Variants in UGT1A9 observed in about 807,000 individuals in gnomAD.
UGT1A9 encodes UDP glucuronosyltransferase family 1 member A9.
UGT1A9 carries 35 observed loss-of-function variants against 45.0 expected under a neutral mutation model. The observed-to-expected ratio is 0.78, with a 90% CI of 0.59 to 1.03. The LOEUF (loss-of-function observed/expected upper bound fraction) is 1.03, where lower values mean the gene tolerates loss of function less well. Among genes scored for constraint, UGT1A9 ranks in the 50% least tolerant of loss-of-function variants. The pLI is 0.00. For missense variants in UGT1A9, 687 were observed against 666.6 expected, an observed-to-expected ratio of 1.03 and a Z score of -0.34; for synonymous variants, 278 against 250.6, an observed-to-expected ratio of 1.11 and a Z score of -1.03.
intron 1 of UGT1A9, among the ~76,000 whole-genome samples, chr2:233,736,737 CCTTT>C (rs2125803115): frequency 6.6e-6 from 1 of 152,240 alleles, no homozygotes; most frequent in Non-Finnish European, 1.5e-5. Flanking sequence ...TTATGCTGTT[CCTTT>C]CTGTTTGTTA....
intron 1 of UGT1A9, among the ~76,000 whole-genome samples, chr2:233,758,427 TCA>T (rs1169945627): frequency 6.6e-6 from 1 of 152,228 alleles, no homozygotes; most frequent in Non-Finnish European, 1.5e-5. Context: ...GCAAATGAAC[TCA>T]CACAGCATTG....
chr2:233,755,062 C>G, intron 1 of UGT1A9: 1 of 1,335,450 alleles, frequency 7.5e-7, no homozygotes, highest in Middle Eastern at 2.1e-4. Flanking sequence ...GCCCTCGCCT[C>G]GCCATAGCGG....
intron 1 of UGT1A9, among the ~76,000 whole-genome samples, chr2:233,703,296 C>G (rs2075730684): frequency 6.6e-6 from 1 of 151,032 alleles, no homozygotes; most frequent in African/African-American, 2.4e-5. Context: ...GTAACATTCC[C>G]TCTTTCATTT....
At chr2:233,707,771 T>TA (rs2075986737) in intron 1 of UGT1A9, among the ~76,000 whole-genome samples, 2 of 152,230 alleles carry the variant, frequency 1.3e-5, no homozygotes. Context: ...AGTGGGTTTT[T>TA]AGAGTATATA....
At position 233,690,504 on chromosome 2, in the gene UGT1A9, A is replaced by C. The variant is rs750850390; in HGVS notation, c.855+17715A>C. 7 of 1,289,246 alleles carry C rather than the reference A, an allele frequency of 5.4e-6. No homozygotes were observed. The South Asian group carries it at 7.4e-5, about 14-fold the overall frequency. The allele number at this position is 1,289,246 out of a possible 1,614,324, so 79.9% of individuals were successfully genotyped here. ...GGGAAATCTGCTCTTGCCAACAGAG[A>C]TTTGTTTTATCTTAGGATCTACTTC... On this transcript the variant is annotated intron_variant, in intron 1 of 4. Coordinates refer to ENST00000354728, the MANE Select transcript of UGT1A9 (RefSeq NM_021027.3).
chr2:233,672,835 A>G, intron 1 of UGT1A9, 46 bp downstream of exon 1: 2 of 1,557,124 alleles, frequency 1.3e-6, no homozygotes, highest in Non-Finnish European at 1.7e-6. Context: ...TCACCTTTGG[A>G]AATTAAAAAA....
At chr2:233,729,551 A>C (rs749535297) in intron 1 of UGT1A9, 5 of 1,614,156 alleles carry the variant, frequency 3.1e-6, no homozygotes, top group Non-Finnish European at 3.4e-6. Context: ...AGGCACCTGA[A>C]TGCTACTTCC....
chr2:233,694,161 CAG>C (rs1316707108), intron 1 of UGT1A9, among the ~76,000 whole-genome samples: 2 of 152,146 alleles, frequency 1.3e-5, no homozygotes, highest in African/African-American at 4.8e-5. Context: ...CCAGTTCAAA[CAG>C]AGGTGAAGGC....
chr2:233,751,961 T>G (rs923784516), intron 1 of UGT1A9, among the ~76,000 whole-genome samples: 8 of 152,012 alleles, frequency 5.3e-5, no homozygotes, highest in African/African-American at 1.9e-4. Context: ...TAAAGGAGAG[T>G]CTGAGAAAAG....
At chr2:233,719,369 G>A (rs779205273) in intron 1 of UGT1A9, 113 of 1,613,764 alleles carry the variant, frequency 7.0e-5, no homozygotes, top group Non-Finnish European at 9.2e-5. Flanking sequence ...TAGACTTTAA[G>A]GGCACACAGT....
intron 1 of UGT1A9, chr2:233,729,157 T>C (rs3821242): frequency 0.46 from 737,600 of 1,613,154 alleles, 172,577 homozygotes; most frequent in African/African-American, 0.64. Flanking sequence ...TCCCCTGCCG[T>C]GGCTGGCCAC....
intron 1 of UGT1A9, among the ~76,000 whole-genome samples, chr2:233,766,777 T>C (rs945359450): frequency 1.3e-5 from 2 of 152,236 alleles, no homozygotes; most frequent in Admixed American, 6.5e-5. Context: ...TGTGCTTTTC[T>C]TTTGGAAAAC....
At chr2:233,760,300 T>G (rs1271688129) in intron 1 of UGT1A9, 1 of 1,613,254 alleles carries the variant, frequency 6.2e-7, no homozygotes, top group East Asian at 2.2e-5. Flanking sequence ...GGCTGTGGAG[T>G]CCCAGGGCGG....
intron 1 of UGT1A9, among the ~76,000 whole-genome samples, chr2:233,720,704 C>CTT (rs796417980): frequency 5.7e-5 from 8 of 139,174 alleles, no homozygotes; most frequent in Non-Finnish European, 9.4e-5. Context: ...GGGAGCCATC[C>CTT]TTTTTTTTTT....
chr2:233,720,767 C>T (rs550051357), intron 1 of UGT1A9, among the ~76,000 whole-genome samples: 21 of 150,960 alleles, frequency 1.4e-4, no homozygotes, highest in African/African-American at 4.9e-4. Flanking sequence ...GGGCAGTGGC[C>T]GGATCTCCGC....
intron 1 of UGT1A9, chr2:233,721,920 A>G: frequency 2.5e-6 from 1 of 407,420 alleles, no homozygotes; most frequent in South Asian, 1.9e-5. Context: ...TGCTTCCATA[A>G]AGTGACATCC....
At chr2:233,718,866 C>T in intron 1 of UGT1A9, 1 of 1,613,892 alleles carries the variant, frequency 6.2e-7, no homozygotes, top group Non-Finnish European at 8.5e-7. Context: ...GGCCACAGGA[C>T]TGCTGCTCCT....
chr2:233,759,709 C>A (rs139134152), intron 1 of UGT1A9, among the ~76,000 whole-genome samples: 2 of 151,084 alleles, frequency 1.3e-5, no homozygotes, highest in East Asian at 3.9e-4. Flanking sequence ...GGCGCGTGCT[C>A]GTGTGGTGGG....
chr2:233,701,208 T>G (rs111659541), intron 1 of UGT1A9, among the ~76,000 whole-genome samples: 41 of 152,260 alleles, frequency 2.7e-4, no homozygotes, highest in African/African-American at 9.2e-4. Context: ...ATAGCAGCAT[T>G]ATTTATAATC....
Sources: gnomAD v4.1 joint callset for allele counts (sites outside exome capture counted in the v4.1 genomes callset) on GRCh38, gnomAD v4.1.1 for gene constraint, MANE v1.5 for transcripts, NCBI Gene and HGNC (gene_info 2026-07-23, HGNC 2026-07-21) for gene names.